SLC35F5: variants seen among roughly 807,000 people sequenced by gnomAD.
The protein encoded by SLC35F5 is HCV NS5A-transactivated protein 3.
Under a neutral mutation model 68.6 loss-of-function variants are expected in SLC35F5, and 54 were observed. That is an observed-to-expected ratio of 0.79 (90% CI 0.63 to 0.99). SLC35F5 has a LOEUF of 0.99. Ranked by LOEUF, SLC35F5 falls within the 50% of genes least tolerant of loss-of-function variation. The pLI, the probability that SLC35F5 is intolerant of heterozygous loss-of-function variation, is 0.00. For missense variants in SLC35F5, 567 were observed against 626.9 expected (o/e 0.90, Z 1.02); for synonymous variants, 211 against 205.2 (o/e 1.03, Z -0.24).
chr2:113,753,796 A>G (rs1291433566), intron 3 of SLC35F5, among the ~76,000 whole-genome samples: 2 of 152,160 alleles, frequency 1.3e-5, no homozygotes, highest in African/African-American at 2.4e-5. Context: ...CCTAAATTTT[A>G]TTAACTAATA....
At chr2:113,751,952 C>T (rs1676761655) in intron 3 of SLC35F5, among the ~76,000 whole-genome samples, 1 of 152,066 alleles carries the variant, frequency 6.6e-6, no homozygotes. Context: ...TGGCTCACGC[C>T]TGTAATCCCA....
intron 11 of SLC35F5, among the ~76,000 whole-genome samples, chr2:113,728,926 T>C (rs1334464696): frequency 6.6e-6 from 1 of 152,234 alleles, no homozygotes; most frequent in African/African-American, 2.4e-5. Flanking sequence ...GTCTTAAAGA[T>C]AAAATGCAAA....
At chr2:113,741,557 T>A (rs1031591099) in intron 7 of SLC35F5, among the ~76,000 whole-genome samples, 1 of 151,882 alleles carries the variant, frequency 6.6e-6, no homozygotes, top group African/African-American at 2.4e-5. Context: ...CAAAATTAGC[T>A]GGGTGTGGTG....
chr2:113,750,402 G>T, intron 4 of SLC35F5, 23 bp downstream of exon 4: 1 of 1,568,386 alleles, frequency 6.4e-7, no homozygotes, highest in Non-Finnish European at 8.6e-7. Flanking sequence ...CTTCCTAACA[G>T]ACAGTTAAAA....
intron 7 of SLC35F5, among the ~76,000 whole-genome samples, chr2:113,741,573 T>C (rs749986081): frequency 6.6e-6 from 1 of 151,934 alleles, no homozygotes; most frequent in African/African-American, 2.4e-5. Flanking sequence ...TGGTGGCGCA[T>C]GCCTGTAATC....
chr2:113,737,453 A>G (rs1427895708), intron 7 of SLC35F5, among the ~76,000 whole-genome samples: 2 of 152,256 alleles, frequency 1.3e-5, no homozygotes, highest in Non-Finnish European at 2.9e-5. Context: ...CATATATGGC[A>G]AGAGAAGCCA....
At chr2:113,748,882 C>G (rs1313595868) in intron 4 of SLC35F5, among the ~76,000 whole-genome samples, 1 of 152,142 alleles carries the variant, frequency 6.6e-6, no homozygotes, top group Non-Finnish European at 1.5e-5. Flanking sequence ...CAGCTCACTG[C>G]AGCCTCTGAC....
At chr2:113,736,177 C>T (rs1688088641) in intron 7 of SLC35F5, among the ~76,000 whole-genome samples, 1 of 151,434 alleles carries the variant, frequency 6.6e-6, no homozygotes, top group African/African-American at 2.4e-5. Flanking sequence ...CGCGTAGTGG[C>T]TCATGCCTGT....
downstream of SLC35F5, chr2:113,704,023 C>T (rs946069727): frequency 6.6e-6 from 1 of 152,638 alleles, no homozygotes; most frequent in Non-Finnish European, 1.5e-5. Context: ...CGTGGTCTCG[C>T]CGGCTCAGGA....
chr2:113,704,789 T>C (rs1486323605), downstream of SLC35F5, among the ~76,000 whole-genome samples: 9 of 151,738 alleles, frequency 5.9e-5, no homozygotes, highest in Admixed American at 5.2e-4. Flanking sequence ...CGCCTCTCCC[T>C]CCACACCTCC....
chr2:113,729,263 C>G, intron 11 of SLC35F5, 138 bp downstream of exon 11: 1 of 543,246 alleles, frequency 1.8e-6, no homozygotes, highest in Non-Finnish European at 3.2e-6. Flanking sequence ...TTGGGACTGG[C>G]CTTCATAATC....
intron 15 of SLC35F5, among the ~76,000 whole-genome samples, chr2:113,715,425 G>A (rs1343879355): frequency 6.6e-6 from 1 of 152,150 alleles, no homozygotes; most frequent in Non-Finnish European, 1.5e-5. Context: ...TTAGCAGTTA[G>A]TTGTACTCCT....
chr2:113,733,167 G>A (rs1424488006), intron 9 of SLC35F5, among the ~76,000 whole-genome samples: 3 of 151,944 alleles, frequency 2.0e-5, no homozygotes, highest in African/African-American at 7.3e-5. Flanking sequence ...TTAGGCTTCT[G>A]GGCCACATGG....
Position 113,751,832 on chromosome 2 carries a change from C to T in SLC35F5, c.274-1264G>A, listed in dbSNP as rs138816587. On this transcript the variant is annotated intron_variant, in intron 3 of 15. Transcript: ENST00000245680. ...TGTCCCCAAAAAAGAAACAATGGCT[C>T]CTATAATAAATGGCCAAATCCAGGT... Among the ~76,000 whole-genome samples the T allele has an allele frequency of 7.0e-3, 945 of 134,574 alleles. 17 individuals are homozygous for T. Among genetic ancestry groups the T allele is most frequent in the African/African-American group, 0.024 (898 of 36,912 alleles). 88.3% of individuals were successfully genotyped at this position (134,574 alleles called of 152,430 possible).
intron 11 of SLC35F5, among the ~76,000 whole-genome samples, chr2:113,727,503 GA>G (rs1312356883): frequency 2.0e-5 from 3 of 152,146 alleles, no homozygotes; most frequent in Admixed American, 2.0e-4. Flanking sequence ...CTGAGTCTAT[GA>G]AATCCCACGT....
intron 14 of SLC35F5, among the ~76,000 whole-genome samples, chr2:113,718,849 AAAAG>A (rs1253768297): frequency 2.0e-5 from 3 of 149,622 alleles, no homozygotes; most frequent in African/African-American, 7.4e-5. Flanking sequence ...AAAGGAAAGA[AAAAG>A]AGAGAGAAAG....
chr2:113,723,182 A>G lies in SLC35F5; in HGVS notation c.1263T>C (p.Leu421=). The G allele has an allele frequency of 6.3e-7, 1 of 1,585,018 alleles. No homozygotes were observed. Among genetic ancestry groups the G allele is most frequent in the Non-Finnish European group, 8.6e-7 (1 of 1,167,404 alleles). ...SEFLWLWGCF[L]TSSLIGTLAL... ...CAAGTGTGCCTATCAATGATGAGGT[A>G]AGAAAGCAGCCCCTAAAAAAAAGAA... Residue 421 remains leucine (L), a synonymous_variant, in exon 13 of 16, where the codon CTT becomes CTC. Coordinates refer to ENST00000245680, the MANE Select transcript of SLC35F5 (RefSeq NM_025181.5).
Position 113,753,162 on chromosome 2 carries a change from G to GTTTTT in SLC35F5, c.273+1998_273+2002dup, listed in dbSNP as rs143010470. Among the ~76,000 whole-genome samples, 37 of 50,528 alleles carry GTTTTT rather than the reference G, an allele frequency of 7.3e-4. 1 individual carries two copies. Among genetic ancestry groups the GTTTTT allele is most frequent in the South Asian group, 1.5e-3 (2 of 1,346 alleles). The allele number at this position is 50,528 out of a possible 152,430, so 33.1% of individuals were successfully genotyped here. On this transcript the variant is annotated intron_variant, in intron 3 of 15. Transcript: ENST00000245680. ...AATACACACTTTATCTCCAAAGTTTGTTTTTCTTTTTTTTTTTTTTTTTTT... is the reference window on the plus strand; with the variant it reads ...AATACACACTTTATCTCCAAAGTTTGTTTTTTTTTTCTTTTTTTTTTTTTTTTTTT...
At chr2:113,750,000 C>A (rs1195658790) in intron 4 of SLC35F5, among the ~76,000 whole-genome samples, 2 of 152,036 alleles carry the variant, frequency 1.3e-5, no homozygotes, top group Non-Finnish European at 2.9e-5. Context: ...AGCCAAACAT[C>A]TAAAATACGT....
Sources: gnomAD v4.1 joint callset for allele counts (sites outside exome capture counted in the v4.1 genomes callset) on GRCh38, gnomAD v4.1.1 for gene constraint, MANE v1.5 for transcripts, NCBI Gene and HGNC (gene_info 2026-07-23, HGNC 2026-07-21) for gene names.